OR13A1: variants seen among roughly 807,000 people sequenced by gnomAD.
The protein encoded by OR13A1 is olfactory receptor 13A1.
OR13A1 carries 10 observed loss-of-function variants against 7.5 expected under a neutral mutation model. The ratio of observed to expected loss-of-function variants is 1.34; its 90% CI spans 0.83 to 2.27. The LOEUF is 2.27. Among genes scored for constraint, OR13A1 ranks in the 30% most tolerant of loss-of-function variants. The pLI, the probability that OR13A1 is intolerant of heterozygous loss-of-function variation, is 0.00. For synonymous variants in OR13A1, 238 were observed against 177.9 expected, an observed-to-expected ratio of 1.34 and a Z score of -2.69; for missense variants, 509 against 419.1, an observed-to-expected ratio of 1.21 and a Z score of -1.87.
Position 45,303,539 on chromosome 10 carries a change from A to G in OR13A1, c.884T>C (p.Leu295Pro). The change falls in exon 4 of 4, where the codon CTG (leucine) becomes CCG (proline). Residue 295 changes from leucine to proline, a missense_variant. Coordinates refer to ENST00000553795, the MANE Select transcript of OR13A1 (RefSeq NM_001004297.3). ...SAGKSKLAGL[L>P]YTVLSPTLNP... Reference sequence around the variant, plus strand: ...GAGGGTAGGACTCAGCACAGTGTACAGCAGGCCAGCCAACTTGCTCTTCCC... The same window carrying G: ...GAGGGTAGGACTCAGCACAGTGTACGGCAGGCCAGCCAACTTGCTCTTCCC... 6.2e-7 allele frequency: 1 copy of G among 1,614,122 alleles called. No individual in the cohort carries two copies. Among genetic ancestry groups the G allele is most frequent in the Non-Finnish European group, 8.5e-7 (1 of 1,180,044 alleles).
intron 1 of OR13A1, among the ~76,000 whole-genome samples, chr10:45,311,387 G>T (rs1838442802): frequency 1.3e-5 from 2 of 152,030 alleles, no homozygotes; most frequent in South Asian, 2.1e-4. Context: ...CTTCAGTCTT[G>T]GTTGAGCTCC....
Position 45,304,454 on chromosome 10 carries a change from G to A in OR13A1, c.-12-20C>T, listed in dbSNP as rs148610507. 4.4e-4 allele frequency: 691 copies of A among 1,583,462 alleles called. No individual in the cohort carries two copies. The African/African-American group carries it at 7.2e-3, about 17-fold the overall frequency. On this transcript the variant is annotated intron_variant, in intron 3 of 3. Transcript: ENST00000553795. ...TCAGAGCTAGAGAGATAAACAAGAG[G>A]TGTCCTGAGGAAGGCTGCTCCCGTG...
intron 1 of OR13A1, chr10:45,308,668 T>A (rs1003256259): frequency 6.6e-6 from 1 of 152,208 alleles, no homozygotes; most frequent in African/African-American, 2.4e-5. Context: ...TCCCATTTTT[T>A]AAATGTCACT....
chr10:45,309,191 A>G (rs1391416697), intron 1 of OR13A1, among the ~76,000 whole-genome samples: 1 of 152,160 alleles, frequency 6.6e-6, no homozygotes, highest in Non-Finnish European at 1.5e-5. Flanking sequence ...GGTGCTCAGA[A>G]CGTGTCCACA....
At position 45,304,408 on chromosome 10, in the gene OR13A1, C is replaced by G; in HGVS notation, c.15G>C (p.Met5Ile). The change falls in exon 4 of 4, where the codon ATG becomes ATC. Residue 5 changes from methionine (M) to isoleucine (I), a missense_variant. Physicochemically the swap from Met to Ile is conservative, Grantham distance 10 (BLOSUM62 1). Coordinates refer to ENST00000553795, the MANE Select transcript of OR13A1 (RefSeq NM_001004297.3). MKLW[M>I]ESHLIVPETR... is the part of the protein sequence containing the mutation. ...TTTCTGGGACTATCAGGTGACTCTCCATCCACAGCTTCATGTGATTTCAGA... is the reference window on the plus strand; with the variant it reads ...TTTCTGGGACTATCAGGTGACTCTCGATCCACAGCTTCATGTGATTTCAGA... 6.2e-7 allele frequency: 1 copy of G among 1,612,402 alleles called. No homozygotes were observed. The highest frequency in any genetic ancestry group is 8.5e-7 in the Non-Finnish European group (1 of 1,179,266).
chr10:45,304,972 A>T (rs1396181391), intron 3 of OR13A1, among the ~76,000 whole-genome samples: 3 of 152,182 alleles, frequency 2.0e-5, no homozygotes, highest in African/African-American at 4.8e-5. Context: ...ATGCTTTTAA[A>T]AGGAGAATGA....
intron 1 of OR13A1, among the ~76,000 whole-genome samples, chr10:45,312,499 T>C (rs1445538898): frequency 6.6e-6 from 1 of 151,478 alleles, no homozygotes; most frequent in Non-Finnish European, 1.5e-5. Flanking sequence ...TCACTAAAAA[T>C]ACCTTCTGAA....
chr10:45,303,979 C>T lies in OR13A1; in HGVS notation c.444G>A (p.Leu148=). The change falls in exon 4 of 4, where the codon CTG becomes CTA. Residue 148 remains leucine, a synonymous_variant. Transcript: ENST00000553795. ...YDRYAAICHP[L]HYSSMMSKVF... is the part of the protein sequence containing the mutation. ...CCTTGCTCATCATGCTGCTGTAATGCAGCGGGTGGCAGATGGCTGCGTACC... is the reference window on the plus strand; with the variant it reads ...CCTTGCTCATCATGCTGCTGTAATGTAGCGGGTGGCAGATGGCTGCGTACC... The T allele has an allele frequency of 6.2e-7, 1 of 1,612,788 alleles. No individual in the cohort carries two copies. The highest frequency in any genetic ancestry group is 8.5e-7 in the Non-Finnish European group (1 of 1,179,204).
At chr10:45,306,998 G>GC in intron 3 of OR13A1, among the ~76,000 whole-genome samples, 1 of 152,160 alleles carries the variant, frequency 6.6e-6, no homozygotes, top group East Asian at 1.9e-4. Flanking sequence ...TAACTCCAGG[G>GC]ACAGAATTGG....
rs777340777 is a variant in OR13A1 at position 45,303,474 on chromosome 10, C to T, written c.949G>A (p.Ala317Thr). 3 of 1,610,706 alleles carry T rather than the reference C, an allele frequency of 1.9e-6. No individual in the cohort carries two copies. Among genetic ancestry groups the T allele is most frequent in the Middle Eastern group, 1.7e-4 (1 of 6,042 alleles). ...IYTLRNKEVKAALRKLFPFFR... is the reference protein window; with the variant it reads ...IYTLRNKEVKTALRKLFPFFR... ...AAAGGGAAAAGCTTCCTGAGGGCTG[C>T]TTTGACCTCCTTGTTTCTCAAAGTA... The change falls in exon 4 of 4, where the codon GCA becomes ACA. Residue 317 changes from alanine (A) to threonine (T), a missense_variant. By Grantham distance (58) the Ala-to-Thr change is moderately conservative. Transcript: ENST00000553795.
intron 1 of OR13A1, among the ~76,000 whole-genome samples, chr10:45,308,055 T>C (rs1838370313): frequency 6.6e-6 from 1 of 152,238 alleles, no homozygotes; most frequent in South Asian, 2.1e-4. Flanking sequence ...ACTCATTTCA[T>C]TATTTTTATC....
At chr10:45,313,930 C>T (rs1167331152) in intron 1 of OR13A1, among the ~76,000 whole-genome samples, 2 of 149,928 alleles carry the variant, frequency 1.3e-5, no homozygotes, top group South Asian at 2.1e-4. Context: ...ATGTGCAGAA[C>T]ATTCCACCCA....
At position 45,302,934 on chromosome 10, in the gene OR13A1, T is replaced by C. The variant is rs941011220; in HGVS notation, c.*502A>G. Reference sequence around the variant, plus strand: ...GTCCAAGTGGCTCCAGAGGAAACAGTTGAGGTAAGATAATGGGGGTAGAAG... The same window carrying C: ...GTCCAAGTGGCTCCAGAGGAAACAGCTGAGGTAAGATAATGGGGGTAGAAG... On this transcript the variant is annotated 3_prime_UTR_variant, in exon 4 of 4. Coordinates refer to ENST00000553795, the MANE Select transcript of OR13A1 (RefSeq NM_001004297.3). The C allele has an allele frequency of 6.5e-6, 1 of 152,988 alleles. No individual in the cohort carries two copies. 9.5% of individuals were successfully genotyped at this position (152,988 alleles called of 1,614,324 possible).
Position 45,303,818 on chromosome 10 carries a change from A to C in OR13A1, c.605T>G (p.Leu202Arg), listed in dbSNP as rs374871390. 6.2e-7 allele frequency: 1 copy of C among 1,613,216 alleles called. No homozygotes were observed. Among genetic ancestry groups the C allele is most frequent in the Non-Finnish European group, 8.5e-7 (1 of 1,180,046 alleles). Residue 202 changes from leucine (L) to arginine (R), a missense_variant, in exon 4 of 4, where the codon CTG becomes CGG. Leu to Arg is a moderately radical substitution (Grantham distance 102). Transcript: ENST00000553795. ...IIHFFCEVPP[L>R]LLLSCSSTYV... is the part of the protein sequence containing the mutation. ...GGTGGAGCTGCAGGAGAGAAGCAGC[A>C]GGGGAGGGACCTCGCAGAAGAAATG... is the stretch of plus-strand genomic sequence containing the variant.
chr10:45,303,530 A>G lies in OR13A1; in HGVS notation c.893T>C (p.Val298Ala), dbSNP rs758188479. 6.2e-7 allele frequency: 1 copy of G among 1,614,134 alleles called. No homozygotes were observed. The highest frequency in any genetic ancestry group is 1.7e-5 in the Admixed American group (1 of 60,018). ...GAGGGGGTTGAGGGTAGGACTCAGC[A>G]CAGTGTACAGCAGGCCAGCCAACTT... ...KSKLAGLLYT[V>A]LSPTLNPLIY... The change falls in exon 4 of 4, where the codon GTG (valine) becomes GCG (alanine). Residue 298 changes from valine (V) to alanine (A), a missense_variant. By Grantham distance (64) the Val-to-Ala change is moderately conservative. Transcript: ENST00000553795.
In OR13A1 at chr10:45,303,744, C is replaced by G. The variant is rs780404742; in HGVS notation, c.679G>C (p.Val227Leu). 2 of 1,614,080 alleles carry G rather than the reference C, an allele frequency of 1.2e-6. No homozygotes were observed. Residue 227 changes from valine (V) to leucine (L), a missense_variant, in exon 4 of 4, where the codon GTG becomes CTG. Physicochemically the swap from Val to Leu is conservative, Grantham distance 32. Transcript: ENST00000553795. ...IVLADAFYGI[V>L]NFLMTIASYG... The stretch of plus-strand genomic sequence containing the variant: ...GACGCGATGGTCATCAGGAAGTTCA[C>G]TATGCCGTAGAAAGCATCCGCCAGG...
At chr10:45,308,400 G>C (rs1838379154) in intron 1 of OR13A1, among the ~76,000 whole-genome samples, 1 of 152,092 alleles carries the variant, frequency 6.6e-6, no homozygotes, top group Non-Finnish European at 1.5e-5. Context: ...CATAAATCCA[G>C]CCCCATCAAA....
At chr10:45,306,579 C>T (rs1181661643) in intron 3 of OR13A1, among the ~76,000 whole-genome samples, 1 of 152,030 alleles carries the variant, frequency 6.6e-6, no homozygotes, top group Non-Finnish European at 1.5e-5. Flanking sequence ...ATGTTTTTGT[C>T]AAGATTCAAG....
chr10:45,304,868 A>T (rs1175397860), intron 3 of OR13A1, among the ~76,000 whole-genome samples: 1 of 152,256 alleles, frequency 6.6e-6, no homozygotes, highest in African/African-American at 2.4e-5. Context: ...GTGGAAATTT[A>T]AAACAATCTA....
Sources: allele counts gnomAD v4.1 joint callset (sites outside exome capture counted in the v4.1 genomes callset), GRCh38; gene constraint gnomAD v4.1.1; transcripts MANE v1.5; gene names NCBI Gene and HGNC (gene_info 2026-07-23, HGNC 2026-07-21).